Variants in CELF2 observed in about 807,000 individuals in gnomAD.
CELF2 encodes CUG triplet repeat RNA-binding protein 2.
CELF2 carries 8 observed loss-of-function variants against 62.6 expected under a neutral mutation model. The observed-to-expected ratio is 0.13, with a 90% CI of 0.07 to 0.23. The LOEUF (loss-of-function observed/expected upper bound fraction) is 0.23. Among genes scored for constraint, CELF2 ranks in the 10% least tolerant of loss-of-function variants. CELF2 has a pLI of 1.00. For synonymous variants in CELF2, 258 were observed against 250.0 expected, an observed-to-expected ratio of 1.03 and a Z score of -0.30; for missense variants, 333 against 671.0, an observed-to-expected ratio of 0.50 and a Z score of 5.56.
At chr10:10,919,355 T>C (rs2064662277) in intron 1 of CELF2, among the ~76,000 whole-genome samples, 1 of 152,216 alleles carries the variant, frequency 6.6e-6, no homozygotes, top group Admixed American at 6.5e-5. Flanking sequence ...TGGTCATTTT[T>C]ATTAATATGC....
chr10:11,073,890 T>C (rs776917623), intron 1 of CELF2, among the ~76,000 whole-genome samples: 5 of 152,258 alleles, frequency 3.3e-5, no homozygotes, highest in Non-Finnish European at 5.9e-5. Context: ...TTATACATTT[T>C]TAAATAGTTT....
intron 1 of CELF2, among the ~76,000 whole-genome samples, chr10:10,845,653 T>C (rs1256014692): frequency 6.6e-6 from 1 of 152,216 alleles, no homozygotes; most frequent in African/African-American, 2.4e-5. Context: ...TGCATACATG[T>C]CTCAGAATAT....
the CELF2 span, among the ~76,000 whole-genome samples, chr10:10,760,659 G>A: frequency 3.9e-4 from 60 of 152,274 alleles, no homozygotes; most frequent in East Asian, 8.7e-3. Flanking sequence ...CAGGGAACTC[G>A]GGAAGATTTC....
At chr10:10,784,990 G>A in the CELF2 span, among the ~76,000 whole-genome samples, 1 of 152,174 alleles carries the variant, frequency 6.6e-6, no homozygotes, top group Non-Finnish European at 1.5e-5. Flanking sequence ...AGTTACAATA[G>A]AAAACACTAC....
chr10:10,875,017 A>G (rs1467690642), intron 1 of CELF2, among the ~76,000 whole-genome samples: 1 of 152,232 alleles, frequency 6.6e-6, no homozygotes, highest in African/African-American at 2.4e-5. Flanking sequence ...AGAATAGTTA[A>G]TATAGACCCT....
the CELF2 span, among the ~76,000 whole-genome samples, chr10:10,506,125 T>C: frequency 6.6e-6 from 1 of 150,704 alleles, no homozygotes; most frequent in African/African-American, 2.4e-5. Context: ...CTTATCCCTC[T>C]TGCAACAGCA....
the CELF2 span, among the ~76,000 whole-genome samples, chr10:10,693,247 T>C: frequency 3.4e-4 from 46 of 133,484 alleles, no homozygotes; most frequent in Admixed American, 3.5e-3. Flanking sequence ...CAAAGGCCTT[T>C]TCTGCATCTA....
chr10:10,712,131 A>G, the CELF2 span, among the ~76,000 whole-genome samples: 1 of 124,834 alleles, frequency 8.0e-6, no homozygotes, highest in African/African-American at 3.0e-5. Context: ...TCCCTTGGAA[A>G]TTGGTAGGAT....
In CELF2 at chr10:11,242,737, A is replaced by G. The variant is rs138562656; in HGVS notation, c.355-6416A>G. Among the ~76,000 whole-genome samples, 89 of 152,348 alleles carry G rather than the reference A, an allele frequency of 5.8e-4. No homozygotes were observed. Among genetic ancestry groups the G allele is most frequent in the African/African-American group, 2.0e-3 (83 of 41,588 alleles). ...AGTGAGGGGCATCAGGTCCAGTCAC[A>G]GGCCAGCCAGGGTGAGGACCAGGGT... On this transcript the variant is annotated intron_variant, in intron 3 of 12. Coordinates refer to ENST00000633077, the MANE Select transcript of CELF2 (RefSeq NM_001326342.2). This position sits in a 1 kb window ranked among gnomAD's most constrained non-coding sequence, Gnocchi z 4.8.
At chr10:10,477,248 T>G in the CELF2 span, among the ~76,000 whole-genome samples, 2 of 152,188 alleles carry the variant, frequency 1.3e-5, no homozygotes, top group African/African-American at 4.8e-5. Flanking sequence ...GCTCATTCCA[T>G]AAGATGGGGT....
intron 1 of CELF2, among the ~76,000 whole-genome samples, chr10:11,076,376 A>G (rs2071935405): frequency 6.6e-6 from 1 of 152,242 alleles, no homozygotes; most frequent in Non-Finnish European, 1.5e-5. Flanking sequence ...GGGGTGCATT[A>G]GCATTGCAAG....
the CELF2 span, among the ~76,000 whole-genome samples, chr10:10,473,409 T>G: frequency 6.6e-6 from 1 of 152,038 alleles, no homozygotes; most frequent in Non-Finnish European, 1.5e-5. Flanking sequence ...ACTTCTGGCC[T>G]GTAGAACTGC....
chr10:11,243,120 T>G lies in CELF2; in HGVS notation c.355-6033T>G, dbSNP rs531959875. 6.6e-6 allele frequency among the ~76,000 whole-genome samples: 1 copy of G among 152,178 alleles called. No homozygotes were observed. Among genetic ancestry groups the G allele is most frequent in the African/African-American group, 2.4e-5 (1 of 41,502 alleles). On this transcript the variant is annotated intron_variant, in intron 3 of 12. Transcript: ENST00000633077. The surrounding 1 kb of genome is among the most constrained non-coding windows in gnomAD (Gnocchi z 4.1). The stretch of plus-strand genomic sequence containing the variant: ...TGCCGAGATGCTCCCCTCCATGAGC[T>G]CCACCTTCATTGTGCATAGGACGCT...
At chr10:10,473,567 AG>A in the CELF2 span, among the ~76,000 whole-genome samples, 2 of 152,082 alleles carry the variant, frequency 1.3e-5, no homozygotes, top group East Asian at 3.9e-4. Context: ...CTGGGATTTA[AG>A]AATGTAAAAT....
At chr10:10,524,886 C>T in the CELF2 span, among the ~76,000 whole-genome samples, 37,195 of 151,972 alleles carry the variant, frequency 0.24, 5,300 homozygotes, top group Non-Finnish European at 0.33. Context: ...AAAACTCTCA[C>T]GGAGACAGCA....
chr10:11,102,290 G>C (rs918587661), intron 1 of CELF2: 1 of 152,194 alleles, frequency 6.6e-6, no homozygotes, highest in Non-Finnish European at 1.5e-5. Context: ...TTGCCCGACT[G>C]TGCTAATTCT....
intron 1 of CELF2, among the ~76,000 whole-genome samples, chr10:11,088,553 C>G (rs2047430677): frequency 6.7e-6 from 1 of 149,604 alleles, no homozygotes; most frequent in African/African-American, 2.5e-5. Context: ...GGAGGAAGAG[C>G]CTAGCAGAGC....
At chr10:10,752,997 C>A in the CELF2 span, among the ~76,000 whole-genome samples, 1 of 152,062 alleles carries the variant, frequency 6.6e-6, no homozygotes, top group East Asian at 1.9e-4. Context: ...ACAGTGTTTT[C>A]CAACTAATGT....
chr10:10,558,037 G>A, the CELF2 span, among the ~76,000 whole-genome samples: 1 of 145,630 alleles, frequency 6.9e-6, no homozygotes, highest in Admixed American at 6.9e-5. Context: ...TCCTTCTCCT[G>A]CCTAATTGCC....
Sources: gnomAD v4.1 joint callset for allele counts (sites outside exome capture counted in the v4.1 genomes callset) on GRCh38, gnomAD v4.1.1 for gene constraint, Gnocchi (gnomAD v3.1) non-coding constraint, MANE v1.5 for transcripts, NCBI Gene and HGNC (gene_info 2026-07-23, HGNC 2026-07-21) for gene names.